RAF1: variants seen among roughly 807,000 people sequenced by gnomAD.
RAF1 encodes the protein RAF proto-oncogene serine/threonine-protein kinase.
A neutral mutation model predicts 81.1 loss-of-function variants in RAF1; 27 were observed. That is an observed-to-expected ratio of 0.33 (90% confidence interval 0.25 to 0.46). The LOEUF (loss-of-function observed/expected upper bound fraction) is 0.46, where lower values mean the gene tolerates loss of function less well. Among genes scored for constraint, RAF1 ranks in the 20% least tolerant of loss-of-function variants. RAF1 has a pLI of 1.00. For synonymous variants in RAF1, 298 were observed against 294.0 expected, an observed-to-expected ratio of 1.01 and a Z score of -0.14; for missense variants, 598 against 826.0, an observed-to-expected ratio of 0.72 and a Z score of 3.38.
At chr3:12,602,298 T>G (rs2058885330) in intron 8 of RAF1, among the ~76,000 whole-genome samples, 1 of 152,232 alleles carries the variant, frequency 6.6e-6, no homozygotes, top group Non-Finnish European at 1.5e-5. Flanking sequence ...GACTTATATG[T>G]GATTAAATTA....
chr3:12,601,221 C>T lies in RAF1; in HGVS notation c.895-806G>A, dbSNP rs908797123. 3.0e-4 allele frequency among the ~76,000 whole-genome samples: 45 copies of T among 152,210 alleles called. 1 individual carries two copies. The highest frequency in any genetic ancestry group is 1.0e-3 in the African/African-American group (43 of 41,458). ...ACATTTTACATATAAGAAAACACAT[C>T]TGAACAGGTAGAGAGACTTGGCAGG... On this transcript the variant is annotated intron_variant, in intron 8 of 17. Transcript: ENST00000442415.
At chr3:12,607,560 A>G (rs1371872408) in intron 5 of RAF1, among the ~76,000 whole-genome samples, 1 of 152,120 alleles carries the variant, frequency 6.6e-6, no homozygotes, top group Non-Finnish European at 1.5e-5. Flanking sequence ...AGGTAGGAGG[A>G]TTACTTGAAC....
intron 8 of RAF1, among the ~76,000 whole-genome samples, chr3:12,600,653 C>T (rs2125383006): frequency 6.6e-6 from 1 of 152,298 alleles, no homozygotes; most frequent in South Asian, 2.1e-4. Flanking sequence ...ATTCCACCTC[C>T]CAGGTTCAAG....
intron 3 of RAF1, among the ~76,000 whole-genome samples, chr3:12,610,535 T>C (rs1559436167): frequency 1.3e-5 from 2 of 152,160 alleles, no homozygotes; most frequent in East Asian, 1.9e-4. Context: ...TCTCTAGTCC[T>C]TAAGGAACAC....
intron 1 of RAF1, among the ~76,000 whole-genome samples, chr3:12,643,513 G>A (rs9837418): frequency 0.21 from 32,069 of 151,946 alleles, 3,644 homozygotes; most frequent in African/African-American, 0.29. Flanking sequence ...GGCTGGGGTG[G>A]GTGGATCACC....
At chr3:12,605,085 G>C (rs1341497733) in intron 6 of RAF1, among the ~76,000 whole-genome samples, 1 of 152,060 alleles carries the variant, frequency 6.6e-6, no homozygotes, top group Non-Finnish European at 1.5e-5. Flanking sequence ...CTAATCTTCA[G>C]AGGTAACTAC....
At chr3:12,636,037 G>A (rs2060019031) in intron 1 of RAF1, among the ~76,000 whole-genome samples, 1 of 151,794 alleles carries the variant, frequency 6.6e-6, no homozygotes, top group Non-Finnish European at 1.5e-5. Flanking sequence ...TGCAATCCCA[G>A]CACTTTGGGA....
chr3:12,638,407 GGCAGTCAGCTAAGGA>G (rs2060090375), intron 1 of RAF1, among the ~76,000 whole-genome samples: 1 of 152,176 alleles, frequency 6.6e-6, no homozygotes, highest in African/African-American at 2.4e-5. Flanking sequence ...ATTGTTGACT[GGCAGTCAGCTAAGGA>G]GCAGCCAGGA....
At chr3:12,647,783 C>T (rs1023989440) in intron 1 of RAF1, among the ~76,000 whole-genome samples, 13 of 152,080 alleles carry the variant, frequency 8.5e-5, no homozygotes, top group African/African-American at 3.1e-4. Flanking sequence ...TTTTCGTTTC[C>T]TCACTCCTCT....
At chr3:12,595,697 G>A (rs895907299) in intron 11 of RAF1, among the ~76,000 whole-genome samples, 2 of 151,576 alleles carry the variant, frequency 1.3e-5, no homozygotes, top group African/African-American at 2.4e-5. Context: ...ACCCACCCTC[G>A]CCCTCCATGC....
At chr3:12,645,991 C>G (rs1275566862) in intron 1 of RAF1, among the ~76,000 whole-genome samples, 2 of 152,122 alleles carry the variant, frequency 1.3e-5, no homozygotes, top group African/African-American at 2.4e-5. Context: ...TAAAATTTTT[C>G]TTCATATTTA....
At chr3:12,600,335 C>T (rs567421099) in intron 9 of RAF1, 53 bp downstream of exon 8, 8 of 1,613,840 alleles carry the variant, frequency 5.0e-6, no homozygotes, top group African/African-American at 2.7e-5. Context: ...GAAGATACAC[C>T]GCATAAAGAA....
At chr3:12,656,380 A>G (rs1041441947) in intron 1 of RAF1, among the ~76,000 whole-genome samples, 1 of 152,138 alleles carries the variant, frequency 6.6e-6, no homozygotes, top group African/African-American at 2.4e-5. Context: ...GCTAGCAGGC[A>G]GAACCTAGAG....
intron 10 of RAF1, 131 bp from the exon 10 acceptor site, chr3:12,599,939 C>T (rs1322524453): frequency 5.8e-6 from 7 of 1,199,260 alleles, no homozygotes; most frequent in East Asian, 4.7e-5. Context: ...ACCATACTTC[C>T]AATTTTTGTC....
At chr3:12,661,743 TAGG>T (rs1409612456) in intron 1 of RAF1, among the ~76,000 whole-genome samples, 1 of 152,012 alleles carries the variant, frequency 6.6e-6, no homozygotes, top group African/African-American at 2.4e-5. Flanking sequence ...TAAAAATTAG[TAGG>T]AGAGTGTTCT....
chr3:12,612,515 G>T (rs564290585), intron 2 of RAF1, among the ~76,000 whole-genome samples: 1 of 152,206 alleles, frequency 6.6e-6, no homozygotes, highest in East Asian at 1.9e-4. Flanking sequence ...CGGGCATGGT[G>T]GTGGACGCCT....
chr3:12,592,758 CAG>C (rs1248605377), intron 11 of RAF1, among the ~76,000 whole-genome samples: 2 of 107,476 alleles, frequency 1.9e-5, no homozygotes, highest in Non-Finnish European at 3.5e-5. Flanking sequence ...TTTTTTGAGA[CAG>C]AGTCTCGCTC....
Position 12,609,344 on chromosome 3 carries a change from G to C in RAF1, c.321-9C>G. ...CTAAGCGTGCTTTTTTACTAGAAAG[G>C]ATTTAAAAAAAACATGAAATGTTTA... On this transcript the variant is annotated splice_polypyrimidine_tract_variant and intron_variant, in intron 3 of 17. Transcript: ENST00000442415. The C allele has an allele frequency of 6.3e-7, 1 of 1,575,826 alleles. No individual in the cohort carries two copies. The highest frequency in any genetic ancestry group is 8.7e-7 in the Non-Finnish European group (1 of 1,145,800).
chr3:12,606,273 T>C lies in RAF1; in HGVS notation c.608A>G (p.Asp203Gly). ...AGAAGGTAGTGCTGGGACTCCACTATCACCAATAGTGGAATTTGGAAACAA... is the reference window on the plus strand; with the variant it reads ...AGAAGGTAGTGCTGGGACTCCACTACCACCAATAGTGGAATTTGGAAACAA... Residue 203 changes from aspartate (D) to glycine (G), a missense_variant, in exon 6 of 18, where the codon GAT (aspartate) becomes GGT (glycine). Transcript: ENST00000442415. 6.2e-7 allele frequency: 1 copy of C among 1,613,592 alleles called. No homozygotes were observed.
Sources: allele counts gnomAD v4.1 joint callset (sites outside exome capture counted in the v4.1 genomes callset), GRCh38; gene constraint gnomAD v4.1.1; transcripts MANE v1.5; gene names NCBI Gene and HGNC (gene_info 2026-07-23, HGNC 2026-07-21).